Variants in BOP1 observed in about 807,000 individuals in gnomAD.
BOP1 encodes the protein BOP1 ribosomal biogenesis factor.
BOP1 carries 54 observed loss-of-function variants against 82.9 expected under a neutral mutation model. The ratio of observed to expected loss-of-function variants is 0.65; its 90% CI spans 0.52 to 0.82. The LOEUF is 0.82. Among genes scored for constraint, BOP1 ranks in the 40% least tolerant of loss-of-function variants. BOP1 has a pLI of 0.00. For missense variants in BOP1, 1,170 were observed against 1,072.0 expected (o/e 1.09, Z -1.28); for synonymous variants, 566 against 451.1 (o/e 1.25, Z -3.23).
At chr8:144,266,259 C>G (rs1389464189) in intron 3 of BOP1, among the ~76,000 whole-genome samples, 1 of 152,174 alleles carries the variant, frequency 6.6e-6, no homozygotes, top group African/African-American at 2.4e-5. Flanking sequence ...CTCCCAGTTC[C>G]TCCGCATCCC....
intron 3 of BOP1, among the ~76,000 whole-genome samples, chr8:144,275,101 A>G (rs1226436955): frequency 6.6e-6 from 1 of 151,954 alleles, no homozygotes; most frequent in Non-Finnish European, 1.5e-5. Flanking sequence ...GGATGGGGGA[A>G]GAACCTGGGG....
At position 144,263,118 on chromosome 8, in the gene BOP1, G is replaced by A. The variant is rs564720149; in HGVS notation, c.1629C>T (p.His543=). The A allele has an allele frequency of 1.8e-4, 292 of 1,593,696 alleles. No individual in the cohort carries two copies. Among genetic ancestry groups the A allele is most frequent in the South Asian group, 7.2e-4 (65 of 90,456 alleles). Residue 543 remains histidine (H), a synonymous_variant, in exon 13 of 16, where the codon CAC becomes CAT. Transcript: ENST00000569669. ...CCACGGCCAGGTAGTCCCCACGCCC[G>A]TGCCAGGTCACCTGCGTCACTGGCT... ...HGKPVTQVTW[H]GRGDYLAVVL... is the part of the protein sequence containing the mutation.
At position 144,262,507 on chromosome 8, in the gene BOP1, G is replaced by C. The variant is rs1312421311; in HGVS notation, c.1980-4C>G. ...CCGCAGAGCCTTCTTGTGGTGTCTG[G>C]GGGGAGGGAACCAGGTTGAAGGCAG... On this transcript the variant is annotated splice_region_variant and splice_polypyrimidine_tract_variant and intron_variant, in intron 14 of 15. Transcript: ENST00000569669. The C allele has an allele frequency of 2.8e-5, 45 of 1,612,926 alleles. No homozygotes were observed. The South Asian group carries it at 3.2e-4, about 11-fold the overall frequency.
At chr8:144,262,525 G>A in intron 14 of BOP1, 22 bp from the exon 15 acceptor site, 1 of 1,612,964 alleles carries the variant, frequency 6.2e-7, no homozygotes, top group Non-Finnish European at 8.5e-7. Flanking sequence ...GAACCAGGTT[G>A]AAGGCAGGCT....
rs1554836659 is a variant in BOP1 at position 144,262,938 on chromosome 8, G to T, written c.1809C>A (p.Arg603=). 11 of 1,546,690 alleles carry T rather than the reference G, an allele frequency of 7.1e-6. No individual in the cohort carries two copies. The highest frequency in any genetic ancestry group is 9.5e-6 in the Non-Finnish European group (11 of 1,152,590). The change falls in exon 13 of 16, where the codon CGC becomes CGA. Residue 603 remains arginine (R), a synonymous_variant. Transcript: ENST00000569669. ...FLLVASQRSV[R]LYHLLRQELT... ...GCTCCTGGCGCAGCAGGTGGTAGAGGCGGACGCTGCGCTGGGACGCCACCA... is the reference window on the plus strand; with the variant it reads ...GCTCCTGGCGCAGCAGGTGGTAGAGTCGGACGCTGCGCTGGGACGCCACCA...
In BOP1 at chr8:144,264,148, G is replaced by A. The variant is rs1845303233; in HGVS notation, c.979-6C>T. The A allele has an allele frequency of 1.2e-6, 2 of 1,610,762 alleles. No homozygotes were observed. The highest frequency in any genetic ancestry group is 1.7e-5 in the Admixed American group (1 of 59,814). ...TGCTGTTCCCACGCCAAGCGCTGTGGAGACCAAGACACAGGGGTGGGGAGG... is the reference window on the plus strand; with the variant it reads ...TGCTGTTCCCACGCCAAGCGCTGTGAAGACCAAGACACAGGGGTGGGGAGG... On this transcript the variant is annotated splice_region_variant and splice_polypyrimidine_tract_variant and intron_variant, in intron 7 of 15. Transcript: ENST00000569669.
At chr8:144,277,805 G>GGCAGGGGCGGTGCAGGCAGGGGCGGTGCA (rs1845591887) in intron 2 of BOP1, among the ~76,000 whole-genome samples, 7 of 55,742 alleles carry the variant, frequency 1.3e-4, no homozygotes, top group South Asian at 5.5e-4. Context: ...GGGGCGGTGC[G>GGCAGGGGCGGTGCAGGCAGGGGCGGTGCA]GGCAGGGGCG....
chr8:144,287,824 C>A (rs1267160463), intron 2 of BOP1, among the ~76,000 whole-genome samples: 1 of 152,176 alleles, frequency 6.6e-6, no homozygotes, highest in Non-Finnish European at 1.5e-5. Flanking sequence ...TCCCAGCAAA[C>A]AAGCCAACCC....
At position 144,289,053 on chromosome 8, in the gene BOP1, C is replaced by T. The variant is rs782730826; in HGVS notation, c.309+42G>A. 6 of 1,606,268 alleles carry T rather than the reference C, an allele frequency of 3.7e-6. No homozygotes were observed. The South Asian group carries it at 6.6e-5, about 18-fold the overall frequency. ...GTCTCAGAAAGCCCAAGGCCACCTG[C>T]ACATGGGGGACAGCCCTCGAGGGGG... On this transcript the variant is annotated intron_variant, in intron 2 of 15. Transcript: ENST00000569669.
At chr8:144,284,974 T>A (rs1814824677) in intron 2 of BOP1, among the ~76,000 whole-genome samples, 1 of 151,866 alleles carries the variant, frequency 6.6e-6, no homozygotes, top group Non-Finnish European at 1.5e-5. Flanking sequence ...GTCACCGGGC[T>A]CCCCGCTACA....
intron 3 of BOP1, among the ~76,000 whole-genome samples, chr8:144,273,969 C>A (rs1408428966): frequency 1.3e-5 from 2 of 151,976 alleles, no homozygotes; most frequent in Admixed American, 6.5e-5. Context: ...CAAAAGTCAG[C>A]GTCCAGCAGG....
intron 3 of BOP1, chr8:144,267,001 G>GTGC: frequency 6.5e-7 from 1 of 1,544,542 alleles, no homozygotes; most frequent in Non-Finnish European, 8.7e-7. Flanking sequence ...CCTGGGCAAC[G>GTGC]TGCTGCTGGC....
At chr8:144,266,941 A>G in intron 3 of BOP1, 1 of 1,559,640 alleles carries the variant, frequency 6.4e-7, no homozygotes, top group Non-Finnish European at 8.6e-7. Context: ...CGCCGACCGC[A>G]AGCTCTCCAA....
chr8:144,265,185 G>A (rs1845332108), intron 3 of BOP1, 114 bp from the exon 4 acceptor site: 1 of 1,243,800 alleles, frequency 8.0e-7, no homozygotes, highest in Non-Finnish European at 1.1e-6. Context: ...CCAGCCTCAA[G>A]TGCCCTGAGG....
intron 3 of BOP1, among the ~76,000 whole-genome samples, chr8:144,273,188 C>T (rs1274694298): frequency 2.0e-5 from 3 of 152,176 alleles, no homozygotes; most frequent in East Asian, 3.9e-4. Context: ...CCCGGAGGAG[C>T]GGAGGCCGCC....
At chr8:144,285,604 C>T (rs1036985021) in intron 2 of BOP1, among the ~76,000 whole-genome samples, 2 of 152,206 alleles carry the variant, frequency 1.3e-5, no homozygotes, top group East Asian at 1.9e-4. Context: ...ATCCCAGGTG[C>T]GCCCACTGCA....
rs782629422 is a variant in BOP1 at position 144,263,290 on chromosome 8, C to T, written c.1536G>A (p.Pro512=). 240 of 1,594,238 alleles carry T rather than the reference C, an allele frequency of 1.5e-4. No individual in the cohort carries two copies. Among genetic ancestry groups the T allele is most frequent in the Middle Eastern group, 1.1e-3 (5 of 4,594 alleles). The change falls in exon 12 of 16, where the codon CCG becomes CCA. Residue 512 remains proline, a synonymous_variant. Coordinates refer to ENST00000569669, the MANE Select transcript of BOP1 (RefSeq NM_015201.5). ...CCTCTGAGGCCTCCAGCCAGCGGGC[C>T]GGCTGCAAGGGGGGCTCCTCAGGCG... ...FVPPEEPPLQ[P]ARWLEASEEE... is the part of the protein sequence containing the mutation.
At chr8:144,273,462 C>T (rs1251182968) in intron 3 of BOP1, among the ~76,000 whole-genome samples, 2 of 152,234 alleles carry the variant, frequency 1.3e-5, no homozygotes, top group African/African-American at 2.4e-5. Flanking sequence ...CAGCAGAGGG[C>T]GGCTCCTCCG....
chr8:144,275,598 A>G (rs1845557698), intron 3 of BOP1, among the ~76,000 whole-genome samples: 1 of 152,112 alleles, frequency 6.6e-6, no homozygotes, highest in African/African-American at 2.4e-5. Flanking sequence ...TATGAGAAAC[A>G]GCCGACCTCC....
Sources: allele counts gnomAD v4.1 joint callset (sites outside exome capture counted in the v4.1 genomes callset), GRCh38; gene constraint gnomAD v4.1.1; transcripts MANE v1.5; gene names NCBI Gene and HGNC (gene_info 2026-07-23, HGNC 2026-07-21).